The following GRID1 variants were observed in gnomAD, a reference collection of about 807,000 sequenced individuals.
GRID1 encodes the protein glutamate ionotropic receptor delta type subunit 1.
In GRID1, 28 loss-of-function variants were observed where a neutral mutation model predicts 98.0. The ratio of observed to expected loss-of-function variants is 0.29; its 90% confidence interval spans 0.21 to 0.39. The LOEUF is 0.39. Among genes scored for constraint, GRID1 ranks in the 10% least tolerant of loss-of-function variants. The probability of loss-of-function intolerance (pLI) is 1.00; values close to 1 mark genes in which losing one functional copy is unlikely to be tolerated. For missense variants in GRID1, 1,111 were observed against 1,340.5 expected (o/e 0.83, Z 2.67); for synonymous variants, 553 against 538.5 (o/e 1.03, Z -0.37).
At chr10:85,717,584 G>A (rs1590202792) in intron 12 of GRID1, among the ~76,000 whole-genome samples, 1 of 152,192 alleles carries the variant, frequency 6.6e-6, no homozygotes, top group Non-Finnish European at 1.5e-5. Flanking sequence ...AATTCAAGCT[G>A]AGATTTGGAT....
intron 13 of GRID1, chr10:85,646,977 C>T (rs189737737): frequency 7.7e-4 from 438 of 572,518 alleles, no homozygotes; most frequent in Middle Eastern, 4.7e-3. Context: ...GCTTAATCTG[C>T]CTGCTCCTCC....
chr10:85,674,352 A>G (rs1358569591), intron 12 of GRID1, among the ~76,000 whole-genome samples: 2 of 152,190 alleles, frequency 1.3e-5, no homozygotes, highest in Non-Finnish European at 2.9e-5. Context: ...ATGTGTGTTA[A>G]GAAGAAATCC....
intron 8 of GRID1, among the ~76,000 whole-genome samples, chr10:85,768,916 A>C (rs1338236557): frequency 6.6e-6 from 1 of 152,212 alleles, no homozygotes; most frequent in Non-Finnish European, 1.5e-5. Context: ...TTATTCTCAC[A>C]CACTTGTGAA....
intron 12 of GRID1, among the ~76,000 whole-genome samples, chr10:85,683,748 T>G (rs754106023): frequency 3.3e-5 from 5 of 152,208 alleles, no homozygotes; most frequent in Admixed American, 6.5e-5. Context: ...CTTTCTACAT[T>G]GAAAACTTTT....
intron 2 of GRID1, among the ~76,000 whole-genome samples, chr10:86,283,839 T>A (rs377682308): frequency 1.3e-4 from 19 of 147,038 alleles, no homozygotes; most frequent in African/African-American, 4.6e-4. Flanking sequence ...CATACAAACC[T>A]GCATATACAC....
chr10:85,985,084 C>A (rs922441916), intron 4 of GRID1, among the ~76,000 whole-genome samples: 1 of 152,152 alleles, frequency 6.6e-6, no homozygotes, highest in Non-Finnish European at 1.5e-5. Flanking sequence ...TCCCAACCCC[C>A]CAGCTGTAAC....
At chr10:86,058,548 A>C (rs543856701) in intron 4 of GRID1, among the ~76,000 whole-genome samples, 4 of 152,338 alleles carry the variant, frequency 2.6e-5, no homozygotes, top group Admixed American at 2.6e-4. Flanking sequence ...AGAGACAATG[A>C]CCACAGCTCG....
chr10:85,842,704 G>T (rs181429345), intron 8 of GRID1, among the ~76,000 whole-genome samples: 1 of 152,124 alleles, frequency 6.6e-6, no homozygotes, highest in Non-Finnish European at 1.5e-5. Flanking sequence ...TGATGAAATA[G>T]ATAATCTGAA....
intron 4 of GRID1, among the ~76,000 whole-genome samples, chr10:85,961,709 C>T (rs1055521927): frequency 2.0e-5 from 3 of 151,834 alleles, no homozygotes; most frequent in Admixed American, 6.6e-5. Flanking sequence ...TCTTTCCCTC[C>T]CTTCTTCCTT....
chr10:86,159,024 G>T (rs1490720179), intron 3 of GRID1, among the ~76,000 whole-genome samples: 2 of 152,142 alleles, frequency 1.3e-5, no homozygotes, highest in South Asian at 2.1e-4. Context: ...CTCCCGAGTA[G>T]CTGGGACCAC....
At chr10:86,162,906 G>A (rs1845342790) in intron 3 of GRID1, among the ~76,000 whole-genome samples, 1 of 152,224 alleles carries the variant, frequency 6.6e-6, no homozygotes, top group African/African-American at 2.4e-5. Flanking sequence ...CAGCCTGGCA[G>A]GGGGCATATA....
At chr10:85,843,500 A>C (rs1053171122) in intron 8 of GRID1, among the ~76,000 whole-genome samples, 27 of 152,142 alleles carry the variant, frequency 1.8e-4, no homozygotes, top group African/African-American at 6.5e-4. Flanking sequence ...AGGAAAAGCC[A>C]AATACAAATT....
At chr10:86,211,929 C>T (rs1295718246) in intron 2 of GRID1, among the ~76,000 whole-genome samples, 2 of 152,126 alleles carry the variant, frequency 1.3e-5, no homozygotes, top group Non-Finnish European at 2.9e-5. Context: ...AGTGCAGGCC[C>T]CAGGGAAGGA....
intron 2 of GRID1, among the ~76,000 whole-genome samples, chr10:86,288,794 A>G (rs1420884295): frequency 6.6e-6 from 1 of 152,194 alleles, no homozygotes; most frequent in Non-Finnish European, 1.5e-5. Context: ...GAGCGCTTCT[A>G]TGAGCAGGGC....
At chr10:86,352,842 T>TG (rs1848481145) in intron 2 of GRID1, among the ~76,000 whole-genome samples, 1 of 152,092 alleles carries the variant, frequency 6.6e-6, no homozygotes, top group Admixed American at 6.6e-5. Flanking sequence ...GGCCACTCCC[T>TG]GGGGTGGGCA....
At chr10:85,663,028 AAACATGCGGAC>A (rs1314361941) in intron 12 of GRID1, among the ~76,000 whole-genome samples, 1 of 152,106 alleles carries the variant, frequency 6.6e-6, no homozygotes, top group Non-Finnish European at 1.5e-5. Flanking sequence ...TCTCCTTCCT[AAACATGCGGAC>A]AACTCCTCAC....
chr10:86,223,796 A>AGGACCAGCAGGTGATAGACCAG, intron 2 of GRID1, among the ~76,000 whole-genome samples: 1 of 152,364 alleles, frequency 6.6e-6, no homozygotes, highest in African/African-American at 2.4e-5. Flanking sequence ...TCACAGACGA[A>AGGACCAGCAGGTGATAGACCAG]GGACCAGCAG....
intron 5 of GRID1, among the ~76,000 whole-genome samples, chr10:85,876,681 A>G (rs1005369033): frequency 3.3e-5 from 5 of 152,194 alleles, no homozygotes; most frequent in African/African-American, 1.2e-4. Context: ...CGTGAGTGAC[A>G]CAGAAGACAG....
intron 8 of GRID1, among the ~76,000 whole-genome samples, chr10:85,824,695 C>G (rs552670628): frequency 1.4e-4 from 21 of 152,142 alleles, no homozygotes; most frequent in Admixed American, 2.6e-4. Context: ...ACCACCCCCC[C>G]ACCACCAACC....
Sources: gnomAD v4.1 joint callset for allele counts (sites outside exome capture counted in the v4.1 genomes callset) on GRCh38, gnomAD v4.1.1 for gene constraint, MANE v1.5 for transcripts, NCBI Gene and HGNC (gene_info 2026-07-23, HGNC 2026-07-21) for gene names.